Variants in PTPRK observed in about 807,000 individuals in gnomAD.
The protein encoded by PTPRK is protein tyrosine phosphatase receptor type K.
A neutral mutation model predicts 178.0 loss-of-function variants in PTPRK; 75 were observed. That is an observed-to-expected ratio of 0.42 (90% CI 0.35 to 0.51). The LOEUF (loss-of-function observed/expected upper bound fraction) is 0.51. PTPRK is among the 20% of genes least tolerant of loss of function. PTPRK has a pLI of 0.02. For synonymous variants in PTPRK, 637 were observed against 620.6 expected, an observed-to-expected ratio of 1.03 and a Z score of -0.39; for missense variants, 1,441 against 1,797.8, an observed-to-expected ratio of 0.80 and a Z score of 3.59.
chr6:128,011,679 T>C (rs1779078593), intron 13 of PTPRK, among the ~76,000 whole-genome samples: 1 of 151,118 alleles, frequency 6.6e-6, no homozygotes, highest in Non-Finnish European at 1.5e-5. Flanking sequence ...ATGAGGGTGA[T>C]GGGTAAAACA....
At chr6:128,123,644 G>A (rs1342678490) in intron 7 of PTPRK, among the ~76,000 whole-genome samples, 4 of 152,002 alleles carry the variant, frequency 2.6e-5, no homozygotes, top group Non-Finnish European at 5.9e-5. Flanking sequence ...GACTTATTTA[G>A]ATTTACTTAG....
chr6:127,985,678 A>G, intron 22 of PTPRK, 43 bp downstream of exon 22: 2 of 1,529,678 alleles, frequency 1.3e-6, no homozygotes, highest in Non-Finnish European at 1.8e-6. Flanking sequence ...ACTCTAAAAA[A>G]AGCTGATTGC....
intron 6 of PTPRK, among the ~76,000 whole-genome samples, chr6:128,213,385 C>T (rs1338515161): frequency 6.6e-6 from 1 of 151,890 alleles, no homozygotes; most frequent in African/African-American, 2.4e-5. Flanking sequence ...ATTTGGTATC[C>T]ACTGGCTGCA....
intron 5 of PTPRK, among the ~76,000 whole-genome samples, chr6:128,237,091 C>T (rs1813428312): frequency 6.6e-6 from 1 of 152,124 alleles, no homozygotes; most frequent in Non-Finnish European, 1.5e-5. Context: ...TTTAAAATAT[C>T]AAATATGATC....
At position 128,509,061 on chromosome 6, in the gene PTPRK, G is replaced by A. The variant is rs1265926575; in HGVS notation, c.100+11198C>T. On this transcript the variant is annotated intron_variant, in intron 1 of 29. Coordinates refer to ENST00000368226, the MANE Select transcript of PTPRK (RefSeq NM_002844.4). ...ATGAAATCACATGCTGTCTCACTCC[G>A]TCCTACCCGGGACATGAATCATCCC... Among the ~76,000 whole-genome samples the A allele has an allele frequency of 5.3e-5, 8 of 152,106 alleles. No individual in the cohort carries two copies. The South Asian group carries it at 6.2e-4, about 12-fold the overall frequency.
intron 1 of PTPRK, among the ~76,000 whole-genome samples, chr6:128,469,931 C>G (rs1850388656): frequency 1.3e-5 from 2 of 152,118 alleles, no homozygotes; most frequent in South Asian, 4.1e-4. Flanking sequence ...CCTACAGACT[C>G]CAGAAGGAAC....
At chr6:128,301,594 A>T (rs889516020) in intron 3 of PTPRK, among the ~76,000 whole-genome samples, 1 of 152,170 alleles carries the variant, frequency 6.6e-6, no homozygotes, top group Non-Finnish European at 1.5e-5. Context: ...CTTCAGGCAT[A>T]TAGTATCTTC....
intron 5 of PTPRK, among the ~76,000 whole-genome samples, chr6:128,239,558 C>T (rs1312585898): frequency 6.6e-6 from 1 of 152,146 alleles, no homozygotes; most frequent in Admixed American, 6.5e-5. Flanking sequence ...CACCTCAGAT[C>T]TGTGATTAAC....
At chr6:128,146,400 G>A (rs1022453877) in intron 7 of PTPRK, among the ~76,000 whole-genome samples, 6 of 151,136 alleles carry the variant, frequency 4.0e-5, no homozygotes, top group African/African-American at 1.5e-4. Context: ...CTGTTTGTGT[G>A]TGTGTTTATG....
At chr6:128,195,785 T>C (rs1046018401) in intron 6 of PTPRK, among the ~76,000 whole-genome samples, 1 of 152,110 alleles carries the variant, frequency 6.6e-6, no homozygotes, top group African/African-American at 2.4e-5. Flanking sequence ...GAGACTTATT[T>C]AAAGATCTTC....
At chr6:128,249,737 G>A (rs1816144788) in intron 3 of PTPRK, among the ~76,000 whole-genome samples, 1 of 152,048 alleles carries the variant, frequency 6.6e-6, no homozygotes, top group Non-Finnish European at 1.5e-5. Context: ...AGTGGAGAGA[G>A]CAACTCTAAA....
chr6:127,975,704 T>C (rs946523278), intron 27 of PTPRK, among the ~76,000 whole-genome samples: 1 of 152,204 alleles, frequency 6.6e-6, no homozygotes, highest in African/African-American at 2.4e-5. Context: ...GGACGAAGTC[T>C]CGCTCTATAC....
intron 1 of PTPRK, among the ~76,000 whole-genome samples, chr6:128,461,913 T>C (rs765048411): frequency 2.6e-5 from 4 of 152,254 alleles, no homozygotes; most frequent in Admixed American, 6.5e-5. Flanking sequence ...CAGTGCATCA[T>C]TGATGAATAA....
chr6:128,242,706 C>T (rs1243081719), intron 3 of PTPRK, 104 bp from the exon 4 acceptor site: 3 of 1,436,324 alleles, frequency 2.1e-6, no homozygotes, highest in Admixed American at 2.7e-5. Flanking sequence ...AATTTTTGTT[C>T]AGTAAGAATT....
intron 1 of PTPRK, among the ~76,000 whole-genome samples, chr6:128,492,750 T>C (rs11756545): frequency 0.079 from 11,993 of 152,178 alleles, 655 homozygotes; most frequent in Non-Finnish European, 0.12. Flanking sequence ...GGCCTGAAAA[T>C]AGTCTTAAGT....
Position 128,135,078 on chromosome 6 carries a change from T to TCACTCA in PTPRK, c.1163-45087_1163-45086insTGAGTG, listed in dbSNP as rs1554309215. 4.6e-4 allele frequency among the ~76,000 whole-genome samples: 63 copies of TCACTCA among 136,382 alleles called. 1 individual carries two copies. The highest frequency in any genetic ancestry group is 1.7e-3 in the African/African-American group (61 of 35,408). 89.5% of individuals were successfully genotyped at this position (136,382 alleles called of 152,430 possible). On this transcript the variant is annotated intron_variant, in intron 7 of 29. Coordinates refer to ENST00000368226, the MANE Select transcript of PTPRK (RefSeq NM_002844.4). ...AACCAATTTAAAATTAATCATTCAA[T>TCACTCA]CACACACACACACACACACACACAC...
intron 3 of PTPRK, among the ~76,000 whole-genome samples, chr6:128,305,299 A>G (rs1045033091): frequency 2.7e-4 from 41 of 152,188 alleles, no homozygotes; most frequent in Admixed American, 1.6e-3. Context: ...GAATCACCAA[A>G]TAATACTGGA....
chr6:128,171,782 A>G (rs542409310), intron 7 of PTPRK, among the ~76,000 whole-genome samples: 1 of 152,120 alleles, frequency 6.6e-6, no homozygotes, highest in African/African-American at 2.4e-5. Context: ...GAATTTCTTC[A>G]TTAGATCAAT....
chr6:127,971,340 A>G (rs1473261936), intron 29 of PTPRK, among the ~76,000 whole-genome samples: 1 of 152,186 alleles, frequency 6.6e-6, no homozygotes, highest in African/African-American at 2.4e-5. Context: ...TAAAATGCAT[A>G]TTATTTTGGA....
Sources: gnomAD v4.1 joint callset for allele counts (sites outside exome capture counted in the v4.1 genomes callset) on GRCh38, gnomAD v4.1.1 for gene constraint, MANE v1.5 for transcripts, NCBI Gene and HGNC (gene_info 2026-07-23, HGNC 2026-07-21) for gene names.